FOXP2: variants seen among roughly 807,000 people sequenced by gnomAD.
FOXP2 encodes the protein forkhead box protein P2.
FOXP2 carries 12 observed loss-of-function variants against 115.8 expected under a neutral mutation model. The observed-to-expected ratio is 0.10, with a 90% CI of 0.07 to 0.17. The LOEUF (loss-of-function observed/expected upper bound fraction) is 0.17, where lower values mean the gene tolerates loss of function less well. FOXP2 is among the 10% of genes least tolerant of loss of function. The pLI is 1.00. For synonymous variants in FOXP2, 328 were observed against 297.7 expected (o/e 1.10, Z -1.05); for missense variants, 629 against 843.5 (o/e 0.75, Z 3.15).
chr7:114,612,391 A>T (rs569421484), intron 3 of FOXP2, among the ~76,000 whole-genome samples: 2 of 151,736 alleles, frequency 1.3e-5, no homozygotes, highest in African/African-American at 4.9e-5. Context: ...ACACACATAT[A>T]TGTATATATG....
chr7:114,339,441 G>C (rs952221827), intron 2 of FOXP2, among the ~76,000 whole-genome samples: 5 of 150,992 alleles, frequency 3.3e-5, no homozygotes, highest in African/African-American at 1.2e-4. Context: ...TTAGAAGTTC[G>C]ACAGATGATA....
At chr7:114,574,535 A>T (rs146681129) in intron 3 of FOXP2, among the ~76,000 whole-genome samples, 1 of 151,914 alleles carries the variant, frequency 6.6e-6, no homozygotes, top group East Asian at 1.9e-4. Flanking sequence ...CTCTGCCAAG[A>T]TTCTAAATTT....
At chr7:114,188,915 A>G (rs1223316957) in intron 1 of FOXP2, among the ~76,000 whole-genome samples, 1 of 152,226 alleles carries the variant, frequency 6.6e-6, no homozygotes, top group Admixed American at 6.5e-5. Flanking sequence ...AAACTCACTT[A>G]TTAGACAATG....
intron 2 of FOXP2, among the ~76,000 whole-genome samples, chr7:114,389,375 C>T (rs1182745864): frequency 6.6e-6 from 1 of 152,108 alleles, no homozygotes; most frequent in Non-Finnish European, 1.5e-5. Context: ...GTGAAAGTTA[C>T]TGGGGCCTTA....
chr7:114,372,338 G>C (rs1028556011), intron 2 of FOXP2, among the ~76,000 whole-genome samples: 4 of 152,042 alleles, frequency 2.6e-5, no homozygotes, highest in Non-Finnish European at 5.9e-5. Flanking sequence ...TTTTTTCATA[G>C]ATAGGGTAAC....
chr7:114,339,534 A>G (rs151121854), intron 2 of FOXP2, among the ~76,000 whole-genome samples: 1 of 151,112 alleles, frequency 6.6e-6, no homozygotes, highest in Admixed American at 6.6e-5. Context: ...TTGCTACATC[A>G]TGGGTCCAAC....
chr7:114,478,897 A>G (rs972705458), intron 2 of FOXP2, among the ~76,000 whole-genome samples: 5 of 151,662 alleles, frequency 3.3e-5, no homozygotes, highest in Non-Finnish European at 5.9e-5. Context: ...AGCGTATTAT[A>G]TGGTAAAGGC....
chr7:114,358,476 A>G (rs1033643651), intron 2 of FOXP2, among the ~76,000 whole-genome samples: 1 of 152,180 alleles, frequency 6.6e-6, no homozygotes, highest in African/African-American at 2.4e-5. Flanking sequence ...GAGGGCTCAG[A>G]AGAAGACAGG....
intron 2 of FOXP2, among the ~76,000 whole-genome samples, chr7:114,445,566 C>T (rs1794797955): frequency 6.6e-6 from 1 of 152,106 alleles, no homozygotes; most frequent in African/African-American, 2.4e-5. Flanking sequence ...TGCTTCATAT[C>T]CTACTTTGTG....
At chr7:114,665,407 ATT>A (rs1807111124) in intron 16 of FOXP2, 1 of 151,952 alleles carries the variant, frequency 6.6e-6, no homozygotes, top group Non-Finnish European at 1.5e-5. Context: ...TTATTTTTAT[ATT>A]GTCTTCCTTT....
At chr7:114,471,169 A>T (rs1796029568) in intron 2 of FOXP2, among the ~76,000 whole-genome samples, 1 of 152,204 alleles carries the variant, frequency 6.6e-6, no homozygotes, top group African/African-American at 2.4e-5. Flanking sequence ...TATTTCCCAC[A>T]ATTTCAATTA....
At chr7:114,125,530 G>GT (rs2129144401) in intron 1 of FOXP2, among the ~76,000 whole-genome samples, 1 of 152,182 alleles carries the variant, frequency 6.6e-6, no homozygotes, top group African/African-American at 2.4e-5. Flanking sequence ...CAGCATAGAA[G>GT]TTTTCAGGAG....
chr7:114,243,957 G>A (rs1260036080), intron 1 of FOXP2, among the ~76,000 whole-genome samples: 3 of 151,452 alleles, frequency 2.0e-5, no homozygotes, highest in Non-Finnish European at 2.9e-5. Context: ...AGGAGATGGC[G>A]AGATTAGAAT....
chr7:114,396,240 C>T (rs927581817), intron 2 of FOXP2, among the ~76,000 whole-genome samples: 1 of 152,022 alleles, frequency 6.6e-6, no homozygotes, highest in Non-Finnish European at 1.5e-5. Flanking sequence ...TAATTTTTTA[C>T]TCCCACAAAT....
chr7:114,288,961 T>C (rs1796528849), intron 2 of FOXP2, among the ~76,000 whole-genome samples: 1 of 151,672 alleles, frequency 6.6e-6, no homozygotes, highest in Non-Finnish European at 1.5e-5. Context: ...TCATTAAGAG[T>C]TTCACCATGA....
At chr7:114,167,205 G>A (rs1009203900) in intron 1 of FOXP2, among the ~76,000 whole-genome samples, 2 of 152,054 alleles carry the variant, frequency 1.3e-5, no homozygotes, top group East Asian at 3.9e-4. Flanking sequence ...TAGGTTAATG[G>A]ATAAACAAAC....
chr7:114,557,261 C>G (rs1331257954), intron 3 of FOXP2, among the ~76,000 whole-genome samples: 1 of 152,118 alleles, frequency 6.6e-6, no homozygotes, highest in Non-Finnish European at 1.5e-5. Context: ...TATGTTGTGC[C>G]AGCCATCCTG....
At chr7:114,481,041 T>C (rs1796512244) in intron 2 of FOXP2, among the ~76,000 whole-genome samples, 1 of 151,286 alleles carries the variant, frequency 6.6e-6, no homozygotes, top group African/African-American at 2.4e-5. Context: ...TGTGGATAAA[T>C]CTCTTATGTG....
intron 1 of FOXP2, among the ~76,000 whole-genome samples, chr7:114,128,656 C>G (rs1391363467): frequency 6.6e-6 from 1 of 151,954 alleles, no homozygotes; most frequent in South Asian, 2.1e-4. Flanking sequence ...TATATTTAGT[C>G]TCTTATCTTT....
Sources: gnomAD v4.1 joint callset for allele counts (sites outside exome capture counted in the v4.1 genomes callset) on GRCh38, gnomAD v4.1.1 for gene constraint, MANE v1.5 for transcripts, NCBI Gene and HGNC (gene_info 2026-07-23, HGNC 2026-07-21) for gene names.